ROR2: variants seen among roughly 807,000 people sequenced by gnomAD.
The protein encoded by ROR2 is ROR family WNT receptor 2.
Under a neutral mutation model 74.9 loss-of-function variants are expected in ROR2, and 33 were observed. That is an observed-to-expected ratio of 0.44 (90% CI 0.33 to 0.59). The LOEUF (loss-of-function observed/expected upper bound fraction) is 0.59, where lower values mean the gene tolerates loss of function less well. Among genes scored for constraint, ROR2 ranks in the 20% least tolerant of loss-of-function variants. The pLI is 0.02. For synonymous variants in ROR2, 586 were observed against 558.7 expected, an observed-to-expected ratio of 1.05 and a Z score of -0.69; for missense variants, 1,216 against 1,313.8, an observed-to-expected ratio of 0.93 and a Z score of 1.15.
chr9:91,726,451 G>A (rs1587657108), intron 8 of ROR2, 90 bp downstream of exon 8: 2 of 1,238,752 alleles, frequency 1.6e-6, no homozygotes, highest in East Asian at 4.6e-5. Flanking sequence ...TATGTATCAA[G>A]TAAATTAAGA....
intron 1 of ROR2, among the ~76,000 whole-genome samples, chr9:91,805,710 C>T (rs1012583629): frequency 8.5e-5 from 13 of 152,200 alleles, no homozygotes; most frequent in African/African-American, 2.9e-4. Context: ...TACGTACACA[C>T]ACCCACACAC....
chr9:91,731,257 A>G (rs1837234889), intron 6 of ROR2, 102 bp from the exon 7 acceptor site: 2 of 1,532,654 alleles, frequency 1.3e-6, no homozygotes, highest in Admixed American at 1.7e-5. Flanking sequence ...AGGATTTTAC[A>G]TAACTTACCA....
At chr9:91,810,747 C>T (rs945412666) in intron 1 of ROR2, among the ~76,000 whole-genome samples, 2 of 152,192 alleles carry the variant, frequency 1.3e-5, no homozygotes, top group Non-Finnish European at 2.9e-5. Flanking sequence ...CAGGTGTGGC[C>T]GGAACAGGAG....
At chr9:91,815,568 C>A (rs542881869) in intron 1 of ROR2, among the ~76,000 whole-genome samples, 1 of 152,230 alleles carries the variant, frequency 6.6e-6, no homozygotes, top group South Asian at 2.1e-4. Flanking sequence ...AGGATTTTCA[C>A]TAATCCTCAA....
At chr9:91,728,668 T>C (rs1346144658) in intron 7 of ROR2, among the ~76,000 whole-genome samples, 1 of 152,212 alleles carries the variant, frequency 6.6e-6, no homozygotes, top group Non-Finnish European at 1.5e-5. Flanking sequence ...TGACCTCAGG[T>C]GATCCGCCTG....
At chr9:91,861,641 T>G (rs1294119277) in intron 1 of ROR2, among the ~76,000 whole-genome samples, 1 of 152,202 alleles carries the variant, frequency 6.6e-6, no homozygotes, top group Non-Finnish European at 1.5e-5. Flanking sequence ...GCACTAAAAC[T>G]ATAAAACTGT....
chr9:91,803,657 C>G (rs771197118), intron 1 of ROR2, among the ~76,000 whole-genome samples: 65 of 152,216 alleles, frequency 4.3e-4, no homozygotes, highest in Non-Finnish European at 8.4e-4. Flanking sequence ...GAACCACAGC[C>G]AGGCATGGAC....
chr9:91,919,624 G>T (rs116198799), intron 1 of ROR2, among the ~76,000 whole-genome samples: 1 of 152,132 alleles, frequency 6.6e-6, no homozygotes, highest in African/African-American at 2.4e-5. Flanking sequence ...GTGTACCAGG[G>T]TTCCTATGAC....
chr9:91,818,926 C>T (rs1246286952), intron 1 of ROR2, among the ~76,000 whole-genome samples: 1 of 152,186 alleles, frequency 6.6e-6, no homozygotes, highest in Admixed American at 6.5e-5. Context: ...GTCCTGCCCC[C>T]TCCCTCTTCT....
At chr9:91,791,317 C>G (rs1343824892) in intron 1 of ROR2, among the ~76,000 whole-genome samples, 1 of 152,164 alleles carries the variant, frequency 6.6e-6, no homozygotes, top group Non-Finnish European at 1.5e-5. Context: ...AGGTTAATAG[C>G]CTTGAAGCAA....
At chr9:91,872,922 T>C (rs953316311) in intron 1 of ROR2, among the ~76,000 whole-genome samples, 3 of 152,226 alleles carry the variant, frequency 2.0e-5, no homozygotes, top group African/African-American at 7.2e-5. Flanking sequence ...ACAGGCCAAG[T>C]GTCCCCTCGA....
At chr9:91,931,886 T>C (rs1048510900) in intron 1 of ROR2, among the ~76,000 whole-genome samples, 11 of 152,200 alleles carry the variant, frequency 7.2e-5, no homozygotes, top group Admixed American at 1.3e-4. Context: ...ATAAAATTGT[T>C]CTAAAGTTTA....
At chr9:91,821,058 G>A (rs909827724) in intron 1 of ROR2, among the ~76,000 whole-genome samples, 3 of 151,206 alleles carry the variant, frequency 2.0e-5, no homozygotes, top group South Asian at 2.1e-4. Flanking sequence ...CTGAGATCAT[G>A]CCACTGCATT....
chr9:91,834,736 G>T (rs141490003), intron 1 of ROR2, among the ~76,000 whole-genome samples: 179 of 152,302 alleles, frequency 1.2e-3, no homozygotes, highest in African/African-American at 4.1e-3. Context: ...GAGCTCTTGC[G>T]ATTTTAAAGC....
chr9:91,726,695 C>CT lies in ROR2; in HGVS notation c.1231dup (p.Ser411LysfsTer21). On this transcript the variant is annotated frameshift_variant, in exon 8 of 9. Coordinates refer to ENST00000375708, the MANE Select transcript of ROR2 (RefSeq NM_004560.4). LOFTEE classifies it high-confidence loss of function. ...AGCGATGACCAGTGGAATTGCGATG[C>CT]TGGGGACCAAGATGTACAGAATCCC... 1 of 1,613,988 alleles carries CT rather than the reference C, an allele frequency of 6.2e-7. No homozygotes were observed. The highest frequency in any genetic ancestry group is 8.5e-7 in the Non-Finnish European group (1 of 1,180,010).
chr9:91,875,037 C>A (rs540728250), intron 1 of ROR2, among the ~76,000 whole-genome samples: 2 of 152,154 alleles, frequency 1.3e-5, no homozygotes, highest in African/African-American at 4.8e-5. Flanking sequence ...CGGACACTTA[C>A]ATGATCTAAA....
chr9:91,855,024 C>T (rs1053159978), intron 1 of ROR2, among the ~76,000 whole-genome samples: 1 of 152,136 alleles, frequency 6.6e-6, no homozygotes, highest in African/African-American at 2.4e-5. Context: ...TATTAAAATG[C>T]TTCAAACAAC....
intron 1 of ROR2, among the ~76,000 whole-genome samples, chr9:91,898,525 T>C (rs561198264): frequency 2.4e-4 from 36 of 152,308 alleles, no homozygotes; most frequent in African/African-American, 8.2e-4. Flanking sequence ...GACAACTTTA[T>C]GGAGGTGTGA....
At chr9:91,779,074 T>C (rs1826519558) in intron 1 of ROR2, among the ~76,000 whole-genome samples, 1 of 152,102 alleles carries the variant, frequency 6.6e-6, no homozygotes, top group Admixed American at 6.6e-5. Context: ...AAAAGGGATA[T>C]TAGGTAAAAA....
Sources: allele counts gnomAD v4.1 joint callset (sites outside exome capture counted in the v4.1 genomes callset), GRCh38; gene constraint gnomAD v4.1.1; transcripts MANE v1.5; gene names NCBI Gene and HGNC (gene_info 2026-07-23, HGNC 2026-07-21).